SIK3: variants seen among roughly 807,000 people sequenced by gnomAD.
SIK3 encodes the protein SIK family kinase 3, also known as serine/threonine-protein kinase SIK3.
A neutral mutation model predicts 144.2 loss-of-function variants in SIK3; 28 were observed. That is an observed-to-expected ratio of 0.19 (90% CI 0.14 to 0.27). The LOEUF (loss-of-function observed/expected upper bound fraction) is 0.27. Among genes scored for constraint, SIK3 ranks in the 10% least tolerant of loss-of-function variants. The pLI, the probability that SIK3 is intolerant of heterozygous loss-of-function variation, is 1.00. For synonymous variants in SIK3, 686 were observed against 676.3 expected, an observed-to-expected ratio of 1.01 and a Z score of -0.22; for missense variants, 1,319 against 1,776.0, an observed-to-expected ratio of 0.74 and a Z score of 4.62.
chr11:116,892,220 G>T (rs1945162805), intron 6 of SIK3, among the ~76,000 whole-genome samples: 1 of 152,184 alleles, frequency 6.6e-6, no homozygotes, highest in South Asian at 2.1e-4. Flanking sequence ...ATGTTGTAAA[G>T]ATGAAAAGAT....
chr11:117,020,948 C>T (rs1951739963), intron 1 of SIK3, among the ~76,000 whole-genome samples: 1 of 152,216 alleles, frequency 6.6e-6, no homozygotes, highest in Admixed American at 6.5e-5. Flanking sequence ...GAGCCTGTGA[C>T]TGGCACTGAA....
At chr11:116,862,348 A>G (rs773072869) in intron 16 of SIK3, 21 bp from the exon 17 acceptor site, 2 of 1,614,036 alleles carry the variant, frequency 1.2e-6, no homozygotes, top group South Asian at 2.2e-5. Context: ...AGTAGTTAAT[A>G]CAGATGGGAT....
intron 1 of SIK3, among the ~76,000 whole-genome samples, chr11:117,061,683 G>A (rs1308089771): frequency 6.6e-6 from 1 of 152,148 alleles, no homozygotes; most frequent in Admixed American, 6.5e-5. Flanking sequence ...GCCCTACTGA[G>A]TCTTCATTTT....
At chr11:117,043,108 T>C (rs1591597678) in intron 1 of SIK3, among the ~76,000 whole-genome samples, 2 of 152,296 alleles carry the variant, frequency 1.3e-5, no homozygotes, top group East Asian at 3.9e-4. Flanking sequence ...TATAAATTAT[T>C]GACTTGATGA....
chr11:116,921,249 T>C (rs1049397537), intron 4 of SIK3, among the ~76,000 whole-genome samples: 2 of 152,230 alleles, frequency 1.3e-5, no homozygotes, highest in East Asian at 3.8e-4. Flanking sequence ...TAATAAGATA[T>C]ATTTGCATGC....
At chr11:116,905,694 T>C (rs533846592) in intron 4 of SIK3, among the ~76,000 whole-genome samples, 46 of 152,378 alleles carry the variant, frequency 3.0e-4, no homozygotes, top group African/African-American at 1.0e-3. Flanking sequence ...GTGGTTTTCA[T>C]TTATATTTCC....
chr11:116,894,789 C>T (rs1257786609), intron 6 of SIK3, among the ~76,000 whole-genome samples: 1 of 152,180 alleles, frequency 6.6e-6, no homozygotes, highest in East Asian at 1.9e-4. Flanking sequence ...AATCTGATCA[C>T]TTCTTACCAT....
intron 1 of SIK3, among the ~76,000 whole-genome samples, chr11:117,028,687 T>G (rs1031796478): frequency 1.3e-5 from 2 of 151,818 alleles, no homozygotes; most frequent in Non-Finnish European, 2.9e-5. Context: ...AATTCTAATA[T>G]GTTGAGGAAA....
At chr11:116,987,471 C>T (rs1950363530) in intron 1 of SIK3, among the ~76,000 whole-genome samples, 1 of 152,116 alleles carries the variant, frequency 6.6e-6, no homozygotes, top group Non-Finnish European at 1.5e-5. Context: ...AAGAGTACTA[C>T]TCAAACTGCC....
Position 116,872,989 on chromosome 11 carries a change from G to A in SIK3, c.1737+492C>T, listed in dbSNP as rs144158606. On this transcript the variant is annotated intron_variant, in intron 13 of 24. Transcript: ENST00000445177. Reference sequence around the variant, plus strand: ...GACATGTGACTAAGATAACTGACTCGGCTAAAGCTGTGGGAGCAAATCATC... The same window carrying A: ...GACATGTGACTAAGATAACTGACTCAGCTAAAGCTGTGGGAGCAAATCATC... Among the ~76,000 whole-genome samples, 848 of 152,282 alleles carry A rather than the reference G, an allele frequency of 5.6e-3. 10 individuals are homozygous for A. Among genetic ancestry groups the A allele is most frequent in the African/African-American group, 0.019 (802 of 41,550 alleles).
Position 116,858,592 on chromosome 11 carries a change from G to A in SIK3, c.2873C>T (p.Thr958Ile). Residue 958 changes from threonine to isoleucine, a missense_variant, in exon 21 of 25, where the codon ACA becomes ATA. Thr to Ile is a moderately conservative substitution (Grantham distance 89). Transcript: ENST00000445177. The surrounding 1 kb of genome is among the most constrained non-coding windows in gnomAD (Gnocchi z 5.4). ...RGSPSSYSPSTGVGFSPTQAL... is the reference protein window; with the variant it reads ...RGSPSSYSPSIGVGFSPTQAL... ...TTGGGTTGGAGAGAACCCCACTCCT[G>A]TTGAAGGGCTGTAGCTGCTGGGGGA... 6.2e-7 allele frequency: 1 copy of A among 1,613,656 alleles called. No homozygotes were observed. Among genetic ancestry groups the A allele is most frequent in the East Asian group, 2.2e-5 (1 of 44,888 alleles).
At chr11:116,907,349 T>C (rs9651681) in intron 4 of SIK3, among the ~76,000 whole-genome samples, 11,353 of 152,262 alleles carry the variant, frequency 0.075, 509 homozygotes, top group Middle Eastern at 0.11. Flanking sequence ...ATTATTTTTA[T>C]TGAAATTTAA....
chr11:117,042,593 T>C (rs1311067971), intron 1 of SIK3, among the ~76,000 whole-genome samples: 1 of 152,184 alleles, frequency 6.6e-6, no homozygotes, highest in Non-Finnish European at 1.5e-5. Context: ...CAGGAGTCTT[T>C]CCTCCACACT....
At position 117,045,446 on chromosome 11, in the gene SIK3, C is replaced by CGGTA. The variant is rs1023435620; in HGVS notation, c.273+52693_273+52696dup. ...AAGAAGCCCCGCCCATAAGAGTGAA[C>CGGTA]GGTAATTGCTCCGTTGGTTTCCACC... On this transcript the variant is annotated intron_variant, in intron 1 of 24. Coordinates refer to ENST00000445177, the MANE Select transcript of SIK3 (RefSeq NM_001366686.3). Among the ~76,000 whole-genome samples the CGGTA allele has an allele frequency of 2.6e-5, 4 of 152,124 alleles. No homozygotes were observed. The East Asian group carries it at 5.8e-4, about 22-fold the overall frequency.
intron 1 of SIK3, among the ~76,000 whole-genome samples, chr11:117,039,781 G>A (rs1338165215): frequency 2.0e-5 from 3 of 152,156 alleles, no homozygotes; most frequent in Admixed American, 2.0e-4. Context: ...TAAAGAAGTA[G>A]TTACTATTAT....
intron 7 of SIK3, 84 bp from the exon 8 acceptor site, chr11:116,876,447 C>T: frequency 9.1e-7 from 1 of 1,097,324 alleles, no homozygotes; most frequent in South Asian, 1.2e-5. Flanking sequence ...CCAACCTGTT[C>T]CATGCCCTCT....
chr11:116,962,444 G>A (rs1448325655), intron 1 of SIK3, among the ~76,000 whole-genome samples: 1 of 152,138 alleles, frequency 6.6e-6, no homozygotes, highest in African/African-American at 2.4e-5. Flanking sequence ...ACAGTTTGAA[G>A]AAAAGCTTAT....
chr11:117,031,687 ATTTTTTTTTTTTT>A (rs57524562), intron 1 of SIK3, among the ~76,000 whole-genome samples: 10 of 81,532 alleles, frequency 1.2e-4, no homozygotes, highest in African/African-American at 2.9e-4. Context: ...CACCCGGCTA[ATTTTTTTTTTTTT>A]TTTTTTTTTT....
rs893007050 is a variant in SIK3, at chr11:116,846,377, A to G, written c.*13+6T>C. 5.0e-6 allele frequency: 8 copies of G among 1,612,966 alleles called. No homozygotes were observed. Among genetic ancestry groups the G allele is most frequent in the African/African-American group, 2.7e-5 (2 of 74,872 alleles). Reference sequence around the variant, plus strand: ...CTGGTTTGGCTCTGGCCAGGGTGACACTCACTCTCTGTTTCTTGTTACACG... The same window carrying G: ...CTGGTTTGGCTCTGGCCAGGGTGACGCTCACTCTCTGTTTCTTGTTACACG... On this transcript the variant is annotated splice_donor_region_variant and intron_variant, in intron 24 of 24. Transcript: ENST00000445177. This position sits in a 1 kb window ranked among gnomAD's most constrained non-coding sequence, Gnocchi z 4.1.
Sources: gnomAD v4.1 joint callset for allele counts (sites outside exome capture counted in the v4.1 genomes callset) on GRCh38, gnomAD v4.1.1 for gene constraint, Gnocchi (gnomAD v3.1) non-coding constraint, MANE v1.5 for transcripts, NCBI Gene and HGNC (gene_info 2026-07-23, HGNC 2026-07-21) for gene names.